CLTCL1: variants seen among roughly 807,000 people sequenced by gnomAD.
CLTCL1 encodes the protein clathrin heavy chain 2.
Under a neutral mutation model 190.0 loss-of-function variants are expected in CLTCL1, and 159 were observed. The observed-to-expected ratio is 0.84, with a 90% CI of 0.74 to 0.95. The LOEUF is 0.95. Among genes scored for constraint, CLTCL1 ranks in the 40% least tolerant of loss-of-function variants. The pLI, the probability that CLTCL1 is intolerant of heterozygous loss-of-function variation, is 0.00. For missense variants in CLTCL1, 1,878 were observed against 2,033.4 expected (o/e 0.92, Z 1.47); for synonymous variants, 752 against 769.6 (o/e 0.98, Z 0.38).
intron 1 of CLTCL1, among the ~76,000 whole-genome samples, chr22:19,287,963 T>C (rs1482201289): frequency 6.6e-6 from 1 of 152,212 alleles, no homozygotes; most frequent in African/African-American, 2.4e-5. Context: ...CTGTTACCTA[T>C]AGTCTGAAAA....
Position 19,232,761 on chromosome 22 carries a change from T to G in CLTCL1, c.1522-163A>C, listed in dbSNP as rs1462658899. 9 of 905,806 alleles carry G rather than the reference T, an allele frequency of 9.9e-6. 1 individual carries two copies. 56.1% of individuals were successfully genotyped at this position (905,806 alleles called of 1,614,324 possible). On this transcript the variant is annotated intron_variant, in intron 9 of 32. Coordinates refer to ENST00000427926, the MANE Select transcript of CLTCL1 (RefSeq NM_007098.4). ...CTGCCAAACACAATATCCAATTAAATGAATTGATTTAATGTACATGGAAGG... is the reference window on the plus strand; with the variant it reads ...CTGCCAAACACAATATCCAATTAAAGGAATTGATTTAATGTACATGGAAGG...
intron 11 of CLTCL1, among the ~76,000 whole-genome samples, chr22:19,227,923 G>A (rs1555956986): frequency 1.3e-5 from 2 of 152,158 alleles, no homozygotes; most frequent in Admixed American, 1.3e-4. Context: ...TAATTTTTGG[G>A]CTAAGACTGG....
intron 17 of CLTCL1, 52 bp from the exon 18 acceptor site, chr22:19,220,059 GCTTGGGAGGACACACCCCAATTC>G: frequency 6.2e-7 from 1 of 1,610,732 alleles, no homozygotes; most frequent in Non-Finnish European, 8.5e-7. Flanking sequence ...AGCGGAAGCT[GCTTGGGAGGACACACCCCAATTC>G]GTTCCCTGTG....
chr22:19,226,738 C>CT (rs1233150166), intron 11 of CLTCL1, among the ~76,000 whole-genome samples: 19 of 151,228 alleles, frequency 1.3e-4, no homozygotes, highest in South Asian at 1.1e-3. Context: ...TCTTTTTTTC[C>CT]TTTTTTTTTC....
At chr22:19,268,795 T>G (rs1244561063) in intron 2 of CLTCL1, among the ~76,000 whole-genome samples, 1 of 152,142 alleles carries the variant, frequency 6.6e-6, no homozygotes, top group African/African-American at 2.4e-5. Flanking sequence ...TTGGGCAGTT[T>G]CTTAAAAAGC....
chr22:19,228,947 A>G (rs1308246175), intron 11 of CLTCL1, among the ~76,000 whole-genome samples: 5 of 152,220 alleles, frequency 3.3e-5, no homozygotes, highest in Non-Finnish European at 7.3e-5. Context: ...TGTGTTGGCA[A>G]GGATATACAG....
rs782161735 is a variant in CLTCL1, at chr22:19,233,574, C to T, written c.1216G>A (p.Ala406Thr). 2.9e-5 allele frequency: 47 copies of T among 1,613,548 alleles called. No individual in the cohort carries two copies. Among genetic ancestry groups the T allele is most frequent in the Non-Finnish European group, 3.6e-5 (43 of 1,179,894 alleles). ...AATGGAGAAGCCTGGCCAGACTGAG[C>T]GGGTATACTCTGGAATTTCTGGACC... ...ETVQKFQSIP[A>T]QSGQASPLLQ... is the part of the protein sequence containing the mutation. Residue 406 changes from alanine to threonine, a missense_variant, in exon 8 of 33, where the codon GCT (alanine) becomes ACT (threonine). Physicochemically the swap from Ala to Thr is moderately conservative, Grantham distance 58. Coordinates refer to ENST00000427926, the MANE Select transcript of CLTCL1 (RefSeq NM_007098.4).
At chr22:19,206,107 G>GT (rs2085042005) in intron 22 of CLTCL1, among the ~76,000 whole-genome samples, 1 of 152,052 alleles carries the variant, frequency 6.6e-6, no homozygotes, top group Non-Finnish European at 1.5e-5. Context: ...TGTATTTTTG[G>GT]TAGAGATGGG....
At chr22:19,282,174 C>T (rs1449648944) in intron 1 of CLTCL1, among the ~76,000 whole-genome samples, 1 of 151,792 alleles carries the variant, frequency 6.6e-6, no homozygotes, top group Non-Finnish European at 1.5e-5. Flanking sequence ...ACTAAAAACA[C>T]AAAAATTAGC....
chr22:19,252,044 G>C (rs2086607734), intron 3 of CLTCL1, among the ~76,000 whole-genome samples: 1 of 152,146 alleles, frequency 6.6e-6, no homozygotes, highest in Non-Finnish European at 1.5e-5. Flanking sequence ...TTGCAGAAAT[G>C]GAACAGAGCG....
At chr22:19,223,780 G>A in intron 14 of CLTCL1, 111 bp downstream of exon 14, 1 of 1,256,370 alleles carries the variant, frequency 8.0e-7, no homozygotes, top group Non-Finnish European at 1.1e-6. Context: ...GGACTAAGGG[G>A]TCCCTGGCGA....
At chr22:19,232,733 C>T in intron 9 of CLTCL1, 135 bp from the exon 10 acceptor site, 1 of 1,113,074 alleles carries the variant, frequency 9.0e-7, no homozygotes, top group Non-Finnish European at 1.3e-6. Flanking sequence ...TAGGTACCAC[C>T]TTCTGCCAAA....
intron 1 of CLTCL1, among the ~76,000 whole-genome samples, chr22:19,287,127 A>G (rs2087934889): frequency 6.6e-6 from 1 of 152,192 alleles, no homozygotes; most frequent in South Asian, 2.1e-4. Flanking sequence ...AGATGTCTTA[A>G]GTGCTCAGCC....
At chr22:19,185,224 C>T (rs1447823400) in intron 29 of CLTCL1, among the ~76,000 whole-genome samples, 1 of 152,242 alleles carries the variant, frequency 6.6e-6, no homozygotes, top group Non-Finnish European at 1.5e-5. Flanking sequence ...ACGGCCTATA[C>T]ACAGCACCAC....
chr22:19,232,578 C>A lies in CLTCL1; in HGVS notation c.1542G>T (p.Trp514Cys). 4 of 1,613,336 alleles carry A rather than the reference C, an allele frequency of 2.5e-6. No homozygotes were observed. Among genetic ancestry groups the A allele is most frequent in the Non-Finnish European group, 2.5e-6 (3 of 1,179,610 alleles). The change falls in exon 10 of 33, where the codon TGG becomes TGT. Residue 514 changes from tryptophan (W) to cysteine (C), a missense_variant. Transcript: ENST00000427926. Reference protein sequence around the residue: ...YAKKVGYTPDWIFLLRGVMKI... With the variant: ...YAKKVGYTPDCIFLLRGVMKI... The stretch of plus-strand genomic sequence containing the variant: ...TCATTACACCCCTCAGCAGAAAGAT[C>A]CAGTCTGGGGTGTACCCAACCTAGA...
intron 19 of CLTCL1, among the ~76,000 whole-genome samples, chr22:19,213,978 G>T (rs2085309716): frequency 6.6e-6 from 1 of 152,150 alleles, no homozygotes; most frequent in South Asian, 2.1e-4. Flanking sequence ...GGTGCTAAGG[G>T]TCATCCATGT....
intron 1 of CLTCL1, among the ~76,000 whole-genome samples, chr22:19,277,400 T>C (rs569015502): frequency 6.6e-6 from 1 of 152,338 alleles, no homozygotes; most frequent in South Asian, 2.1e-4. Flanking sequence ...ATAAAGCCTG[T>C]GTTCTGACCA....
At chr22:19,232,642 C>T (rs1307786601) in intron 9 of CLTCL1, 44 bp from the exon 10 acceptor site, 1 of 1,569,788 alleles carries the variant, frequency 6.4e-7, no homozygotes, top group East Asian at 2.3e-5. Context: ...ATGAAAAACC[C>T]TGGGCATTAG....
Position 19,291,670 on chromosome 22 carries a change from C to T in CLTCL1, c.-29G>A. The T allele has an allele frequency of 1.5e-6, 2 of 1,359,120 alleles. No individual in the cohort carries two copies. The highest frequency in any genetic ancestry group is 1.8e-5 in the South Asian group (1 of 56,892). The allele number at this position is 1,359,120 out of a possible 1,614,324, so 84.2% of individuals were successfully genotyped here. A position where few individuals can be genotyped will look rare whatever the true frequency, so the allele number is the denominator to read the frequency against. ...TGGTGCGGGACCTCGGCGGCGGCGG[C>T]GGCAGCGGCAGGAATGAACGCCGAC... On this transcript the variant is annotated 5_prime_UTR_variant, in exon 1 of 33. Transcript: ENST00000427926.
Sources: allele counts gnomAD v4.1 joint callset (sites outside exome capture counted in the v4.1 genomes callset), GRCh38; gene constraint gnomAD v4.1.1; transcripts MANE v1.5; gene names NCBI Gene and HGNC (gene_info 2026-07-23, HGNC 2026-07-21).